TTC27: variants seen among roughly 807,000 people sequenced by gnomAD.
The protein encoded by TTC27 is tetratricopeptide repeat domain 27.
TTC27 carries 79 observed loss-of-function variants against 115.9 expected under a neutral mutation model. The observed-to-expected ratio is 0.68, with a 90% CI of 0.57 to 0.82. TTC27 has a LOEUF of 0.82. TTC27 is among the 40% of genes least tolerant of loss of function. TTC27 has a pLI of 0.00. For synonymous variants in TTC27, 401 were observed against 356.0 expected, an observed-to-expected ratio of 1.13 and a Z score of -1.42; for missense variants, 1,054 against 993.1, an observed-to-expected ratio of 1.06 and a Z score of -0.82.
chr2:32,736,112 ATATT>A (rs1422886357), intron 11 of TTC27, among the ~76,000 whole-genome samples: 2 of 152,174 alleles, frequency 1.3e-5, no homozygotes, highest in Non-Finnish European at 2.9e-5. Context: ...AAACCACAAT[ATATT>A]TATTTTTAAA....
chr2:32,766,421 C>T, intron 13 of TTC27: 4 of 362,284 alleles, frequency 1.1e-5, no homozygotes, highest in Non-Finnish European at 2.2e-5. Flanking sequence ...CGCTGAGAGG[C>T]ACTGTAGGGT....
chr2:32,724,625 G>T (rs1274019781), intron 10 of TTC27, among the ~76,000 whole-genome samples: 2 of 152,132 alleles, frequency 1.3e-5, no homozygotes, highest in Non-Finnish European at 2.9e-5. Flanking sequence ...AAAAACTTGT[G>T]CCACTTGCTA....
At chr2:32,631,986 T>C (rs573284010) in intron 2 of TTC27, among the ~76,000 whole-genome samples, 139 of 151,856 alleles carry the variant, frequency 9.2e-4, no homozygotes, top group Non-Finnish European at 1.6e-3. Flanking sequence ...TTTTTTTGTA[T>C]GTTTAGTAGA....
chr2:32,630,800 C>A, intron 2 of TTC27, 100 bp downstream of exon 2: 1 of 1,133,436 alleles, frequency 8.8e-7, no homozygotes, highest in Non-Finnish European at 1.2e-6. Context: ...AGAAACCTTG[C>A]CTTATATTTT....
At chr2:32,680,247 C>T (rs569777137) in intron 9 of TTC27, among the ~76,000 whole-genome samples, 4 of 152,090 alleles carry the variant, frequency 2.6e-5, no homozygotes, top group Admixed American at 1.3e-4. Flanking sequence ...AAGGAATTGA[C>T]GAAGTGTTAA....
At chr2:32,765,703 C>G (rs570257378) in intron 13 of TTC27, among the ~76,000 whole-genome samples, 9 of 152,232 alleles carry the variant, frequency 5.9e-5, no homozygotes, top group Non-Finnish European at 1.2e-4. Context: ...CAGCCACCTT[C>G]ATCAATGGTC....
At chr2:32,754,207 G>T (rs1411461079) in intron 12 of TTC27, among the ~76,000 whole-genome samples, 2 of 150,316 alleles carry the variant, frequency 1.3e-5, no homozygotes, top group East Asian at 3.9e-4. Context: ...GATTTGCCAG[G>T]GTCATAGGAC....
At chr2:32,663,308 C>T (rs1346390195) in intron 5 of TTC27, among the ~76,000 whole-genome samples, 2 of 152,176 alleles carry the variant, frequency 1.3e-5, no homozygotes, top group African/African-American at 2.4e-5. Context: ...GTGGTGTAGG[C>T]ACCCGAGGGA....
chr2:32,730,621 A>AT (rs10712292), intron 10 of TTC27, among the ~76,000 whole-genome samples: 2,580 of 137,820 alleles, frequency 0.019, 75 homozygotes, highest in African/African-American at 0.064. Context: ...AGACTTTCTT[A>AT]TTTTTTTTTT....
chr2:32,661,755 T>G (rs1408752144), intron 5 of TTC27, among the ~76,000 whole-genome samples: 1 of 152,182 alleles, frequency 6.6e-6, no homozygotes, highest in Non-Finnish European at 1.5e-5. Flanking sequence ...TGAATACCCT[T>G]TATTTCTTTC....
intron 10 of TTC27, 48 bp from the exon 11 acceptor site, chr2:32,733,780 A>G: frequency 8.4e-7 from 1 of 1,187,922 alleles, no homozygotes; most frequent in South Asian, 1.4e-5. Context: ...ACTTATTTAT[A>G]TTATAAGTTA....
intron 14 of TTC27, 43 bp from the exon 15 acceptor site, chr2:32,782,583 C>T (rs1388508141): frequency 3.2e-6 from 5 of 1,578,602 alleles, no homozygotes; most frequent in Admixed American, 1.7e-5. Context: ...ATAATTTTAC[C>T]TAAATGAGAA....
At chr2:32,701,244 T>A (rs1667173485) in intron 9 of TTC27, among the ~76,000 whole-genome samples, 1 of 152,218 alleles carries the variant, frequency 6.6e-6, no homozygotes, top group Non-Finnish European at 1.5e-5. Flanking sequence ...TTGATTCTTC[T>A]CTCTTATTCA....
intron 7 of TTC27, among the ~76,000 whole-genome samples, chr2:32,668,008 AC>A (rs1665855003): frequency 6.7e-6 from 1 of 149,902 alleles, no homozygotes; most frequent in Admixed American, 6.7e-5. Flanking sequence ...ACATGGTGAA[AC>A]CCCGTCTCTA....
At chr2:32,746,582 A>AAAAAAAAAAAAAAAAAAAAAT in intron 12 of TTC27, among the ~76,000 whole-genome samples, 3 of 150,942 alleles carry the variant, frequency 2.0e-5, no homozygotes, top group African/African-American at 4.9e-5. Flanking sequence ...AAAAAAAAAA[A>AAAAAAAAAAAAAAAAAAAAAT]GAATGCACAT....
At chr2:32,804,837 C>T (rs1671076844) in intron 16 of TTC27, among the ~76,000 whole-genome samples, 1 of 151,562 alleles carries the variant, frequency 6.6e-6, no homozygotes, top group African/African-American at 2.4e-5. Flanking sequence ...TGTGATTGGC[C>T]GATGAACCCA....
chr2:32,691,024 C>T (rs1666791253), intron 9 of TTC27, among the ~76,000 whole-genome samples: 3 of 152,134 alleles, frequency 2.0e-5, no homozygotes, highest in Admixed American at 6.5e-5. Flanking sequence ...TATCTGAAAG[C>T]GCCTTCAGTG....
At chr2:32,677,601 C>T (rs1320220513) in intron 8 of TTC27, among the ~76,000 whole-genome samples, 1 of 152,104 alleles carries the variant, frequency 6.6e-6, no homozygotes, top group Non-Finnish European at 1.5e-5. Flanking sequence ...AGGCGTGCGC[C>T]ACCACCCCCA....
chr2:32,645,931 G>A (rs1664838051), intron 4 of TTC27, among the ~76,000 whole-genome samples: 3 of 151,838 alleles, frequency 2.0e-5, no homozygotes, highest in Admixed American at 2.0e-4. Context: ...TGTTGGTCAG[G>A]CTGGTCTCGA....
Sources: gnomAD v4.1 joint callset for allele counts (sites outside exome capture counted in the v4.1 genomes callset) on GRCh38, gnomAD v4.1.1 for gene constraint, MANE v1.5 for transcripts, NCBI Gene and HGNC (gene_info 2026-07-23, HGNC 2026-07-21) for gene names.